The following ALKBH5 variants were observed in gnomAD, a reference collection of about 807,000 sequenced individuals.
ALKBH5 encodes alkB homolog 5, RNA demethylase.
Under a neutral mutation model 32.1 loss-of-function variants are expected in ALKBH5, and 2 were observed. The ratio of observed to expected loss-of-function variants is 0.06; its 90% CI spans 0.03 to 0.20. The LOEUF (loss-of-function observed/expected upper bound fraction) is 0.20, where lower values mean the gene tolerates loss of function less well. Ranked by LOEUF, ALKBH5 falls within the 10% of genes least tolerant of loss-of-function variation. ALKBH5 has a pLI of 1.00. For synonymous variants in ALKBH5, 300 were observed against 231.7 expected (o/e 1.29, Z -2.68); for missense variants, 352 against 559.5 (o/e 0.63, Z 3.74).
intron 2 of ALKBH5, among the ~76,000 whole-genome samples, chr17:18,196,211 ATTC>A (rs1372488455): frequency 1.4e-5 from 2 of 139,094 alleles, no homozygotes; most frequent in African/African-American, 5.3e-5. Context: ...ACTTTGCCTT[ATTC>A]TTTTTTTTTT....
intron 2 of ALKBH5, among the ~76,000 whole-genome samples, chr17:18,203,435 T>C (rs2047252988): frequency 6.6e-6 from 1 of 152,232 alleles, no homozygotes; most frequent in African/African-American, 2.4e-5. Flanking sequence ...TGACCTCCCT[T>C]GTCCCTGCTT....
At chr17:18,196,614 A>G (rs2047206052) in intron 2 of ALKBH5, among the ~76,000 whole-genome samples, 1 of 152,220 alleles carries the variant, frequency 6.6e-6, no homozygotes, top group Admixed American at 6.5e-5. Flanking sequence ...AGTGTATGCC[A>G]TTTTTACTAC....
At chr17:18,199,063 T>C (rs1033552292) in intron 2 of ALKBH5, among the ~76,000 whole-genome samples, 6 of 152,308 alleles carry the variant, frequency 3.9e-5, no homozygotes, top group South Asian at 2.1e-4. Context: ...AGCTCAGATA[T>C]AGAAGGGCTT....
chr17:18,186,364 C>T (rs1289077968), intron 1 of ALKBH5, among the ~76,000 whole-genome samples: 1 of 152,336 alleles, frequency 6.6e-6, no homozygotes, highest in East Asian at 1.9e-4. Context: ...GACACACCCT[C>T]TCCGGGTGCT....
chr17:18,195,173 A>G, intron 2 of ALKBH5, 138 bp downstream of exon 2: 1 of 655,824 alleles, frequency 1.5e-6, no homozygotes, highest in Non-Finnish European at 2.5e-6. Context: ...TTCTCTTTTT[A>G]TTTGAATCCT....
intron 1 of ALKBH5, among the ~76,000 whole-genome samples, chr17:18,189,809 G>A (rs2047163018): frequency 6.6e-6 from 1 of 152,216 alleles, no homozygotes; most frequent in Non-Finnish European, 1.5e-5. Context: ...AAGTGTCTCA[G>A]GAGATGGGCT....
intron 1 of ALKBH5, among the ~76,000 whole-genome samples, chr17:18,190,932 A>G (rs1179493482): frequency 1.3e-5 from 2 of 152,210 alleles, no homozygotes; most frequent in Admixed American, 1.3e-4. Context: ...TTTGCAACAT[A>G]TACTGGTCAG....
In ALKBH5 at chr17:18,209,257, G is replaced by C. The variant is rs2142494400; in HGVS notation, c.*861G>C. The C allele has an allele frequency of 6.5e-6, 1 of 152,740 alleles. No homozygotes were observed. The highest frequency in any genetic ancestry group is 2.1e-4 in the South Asian group (1 of 4,832). The allele number at this position is 152,740 out of a possible 1,614,324, so 9.5% of individuals were successfully genotyped here. Reference sequence around the variant, plus strand: ...GTGTCCTTCCAAGTCTAGCATTTGGGGTATGGAAAATTGTTGTGGTGTGTG... The same window carrying C: ...GTGTCCTTCCAAGTCTAGCATTTGGCGTATGGAAAATTGTTGTGGTGTGTG... On this transcript the variant is annotated 3_prime_UTR_variant, in exon 4 of 4. Coordinates refer to ENST00000399138, the MANE Select transcript of ALKBH5 (RefSeq NM_017758.4).
intron 2 of ALKBH5, among the ~76,000 whole-genome samples, chr17:18,201,775 A>ATAGATAGATAGATAGATAGATAGATAGG (rs1214928957): frequency 4.8e-4 from 68 of 141,844 alleles, no homozygotes; most frequent in East Asian, 4.2e-3. Context: ...AGATAGATAG[A>ATAGATAGATAGATAGATAGATAGATAGG]TAGATAGATA....
intron 2 of ALKBH5, among the ~76,000 whole-genome samples, chr17:18,200,698 G>C (rs2142484075): frequency 6.6e-6 from 1 of 152,338 alleles, no homozygotes; most frequent in Non-Finnish European, 1.5e-5. Flanking sequence ...TTCCAGATAA[G>C]TGCCACCTGA....
intron 2 of ALKBH5, 186 bp from the exon 3 acceptor site, chr17:18,206,629 G>A (rs2142491383): frequency 3.1e-6 from 2 of 644,522 alleles, no homozygotes; most frequent in Non-Finnish European, 5.5e-6. Flanking sequence ...GTGGACTTGA[G>A]GAGGGTCTTT....
At chr17:18,199,319 A>T (rs1303581010) in intron 2 of ALKBH5, among the ~76,000 whole-genome samples, 1 of 152,174 alleles carries the variant, frequency 6.6e-6, no homozygotes, top group Non-Finnish European at 1.5e-5. Context: ...GCTGGACCTA[A>T]CCTTACTGGA....
intron 2 of ALKBH5, among the ~76,000 whole-genome samples, chr17:18,200,262 G>C (rs985490549): frequency 6.6e-6 from 1 of 152,054 alleles, no homozygotes; most frequent in African/African-American, 2.4e-5. Flanking sequence ...GACTTCTGTA[G>C]ATGAGGAATG....
At chr17:18,203,293 G>T (rs2047252195) in intron 2 of ALKBH5, among the ~76,000 whole-genome samples, 1 of 152,108 alleles carries the variant, frequency 6.6e-6, no homozygotes, top group South Asian at 2.1e-4. Flanking sequence ...TTTGCTCTGG[G>T]ATTTAGCTTT....
At position 18,201,786 on chromosome 17, in the gene ALKBH5, G is replaced by GATAGATAGATAGGTA. The variant is rs200689873; in HGVS notation, c.852-5029_852-5028insATAGATAGATAGGTA. Among the ~76,000 whole-genome samples the GATAGATAGATAGGTA allele has an allele frequency of 1.4e-4, 12 of 84,408 alleles. No individual in the cohort carries two copies. In the South Asian group the frequency reaches 3.9e-3, roughly 27 times the overall value. 55.4% of individuals were successfully genotyped at this position (84,408 alleles called of 152,430 possible). ...AGATAGATAGATAGATAGATAGATA[G>GATAGATAGATAGGTA]GATAGATAAGATAGATAGATAGATA... On this transcript the variant is annotated intron_variant, in intron 2 of 3. Coordinates refer to ENST00000399138, the MANE Select transcript of ALKBH5 (RefSeq NM_017758.4).
chr17:18,199,746 A>C (rs185054832), intron 2 of ALKBH5, among the ~76,000 whole-genome samples: 19 of 152,166 alleles, frequency 1.2e-4, no homozygotes, highest in Admixed American at 1.2e-3. Context: ...TGCCATTCCA[A>C]CACAAAGCAG....
At chr17:18,187,781 A>G (rs1357014893) in intron 1 of ALKBH5, among the ~76,000 whole-genome samples, 1 of 152,180 alleles carries the variant, frequency 6.6e-6, no homozygotes, top group Non-Finnish European at 1.5e-5. Context: ...CCCAGAGGTG[A>G]TGAGCAGTAA....
rs775445251 is a variant in ALKBH5, at chr17:18,201,806, T to TA, written c.852-5008dup. The stretch of plus-strand genomic sequence containing the variant: ...AGATAGGATAGATAAGATAGATAGA[T>TA]AGATAGATAGATAGATAGATAGATA... On this transcript the variant is annotated intron_variant, in intron 2 of 3. Transcript: ENST00000399138. 5.8e-3 allele frequency among the ~76,000 whole-genome samples: 418 copies of TA among 71,932 alleles called. 1 individual carries two copies. The highest frequency in any genetic ancestry group is 0.027 in the Middle Eastern group (3 of 110). 47.2% of individuals were successfully genotyped at this position (71,932 alleles called of 152,430 possible). A position where few individuals can be genotyped will look rare whatever the true frequency, so the allele number is the denominator to read the frequency against.
rs904780743 is a variant in ALKBH5, at chr17:18,183,941, C to G, written c.-303C>G. ...GGCGTCCGAGGGTCTGGTCGGGAGT[C>G]GGGCCGCGTCTCCGCAGCAGCCCTC... On this transcript the variant is annotated 5_prime_UTR_variant, in exon 1 of 4. Coordinates refer to ENST00000399138, the MANE Select transcript of ALKBH5 (RefSeq NM_017758.4). 2 of 582,734 alleles carry G rather than the reference C, an allele frequency of 3.4e-6. No homozygotes were observed. The highest frequency in any genetic ancestry group is 1.9e-5 in the African/African-American group (1 of 51,480). 36.1% of individuals were successfully genotyped at this position (582,734 alleles called of 1,614,324 possible).
Sources: gnomAD v4.1 joint callset for allele counts (sites outside exome capture counted in the v4.1 genomes callset) on GRCh38, gnomAD v4.1.1 for gene constraint, MANE v1.5 for transcripts, NCBI Gene and HGNC (gene_info 2026-07-23, HGNC 2026-07-21) for gene names.